CYRIB: variants seen among roughly 807,000 people sequenced by gnomAD.
CYRIB encodes CYFIP-related Rac1 interactor B.
A neutral mutation model predicts 44.2 loss-of-function variants in CYRIB; 8 were observed. That is an observed-to-expected ratio of 0.18 (90% CI 0.11 to 0.33). The LOEUF (loss-of-function observed/expected upper bound fraction) is 0.33, where lower values mean the gene tolerates loss of function less well. Ranked by LOEUF, CYRIB falls within the 10% of genes least tolerant of loss-of-function variation. The probability of loss-of-function intolerance (pLI) is 1.00; values close to 1 mark genes in which losing one functional copy is unlikely to be tolerated. For missense variants in CYRIB, 185 were observed against 382.8 expected (o/e 0.48, Z 4.31); for synonymous variants, 131 against 127.2 (o/e 1.03, Z -0.20).
At chr8:129,933,758 C>T (rs1285804628) in intron 1 of CYRIB, among the ~76,000 whole-genome samples, 4 of 151,900 alleles carry the variant, frequency 2.6e-5, no homozygotes, top group Non-Finnish European at 1.5e-5. Context: ...TCTGTAGTCC[C>T]AGCTACTCAG....
At chr8:129,924,600 C>T (rs1262267083) in intron 1 of CYRIB, among the ~76,000 whole-genome samples, 4 of 151,942 alleles carry the variant, frequency 2.6e-5, no homozygotes, top group Admixed American at 2.0e-4. Context: ...AGTTAATGTC[C>T]CTGAACTTTC....
At chr8:129,883,271 T>C (rs1268764401) in intron 2 of CYRIB, among the ~76,000 whole-genome samples, 1 of 151,794 alleles carries the variant, frequency 6.6e-6, no homozygotes, top group East Asian at 1.9e-4. Context: ...TGGGCTTCAA[T>C]CCACTAGATA....
intron 1 of CYRIB, among the ~76,000 whole-genome samples, chr8:130,009,917 G>C (rs1001008817): frequency 6.6e-6 from 1 of 152,216 alleles, no homozygotes; most frequent in African/African-American, 2.4e-5. Context: ...GTGAGCACTG[G>C]ATGTAAATTC....
intron 1 of CYRIB, among the ~76,000 whole-genome samples, chr8:129,974,196 A>C (rs2095827620): frequency 6.6e-6 from 1 of 152,174 alleles, no homozygotes; most frequent in Non-Finnish European, 1.5e-5. Flanking sequence ...ACTGACAGCT[A>C]TGTTAGTCTA....
At chr8:130,015,101 T>C (rs903843726) in intron 1 of CYRIB, among the ~76,000 whole-genome samples, 1 of 152,204 alleles carries the variant, frequency 6.6e-6, no homozygotes, top group African/African-American at 2.4e-5. Flanking sequence ...CACAAGATGG[T>C]CTTCCTCAGA....
intron 2 of CYRIB, among the ~76,000 whole-genome samples, chr8:129,956,791 ATT>A (rs1213375847): frequency 1.3e-5 from 2 of 148,272 alleles, no homozygotes; most frequent in Non-Finnish European, 3.0e-5. Context: ...ATTTAAGCCT[ATT>A]TTTCCTTCCT....
intron 1 of CYRIB, among the ~76,000 whole-genome samples, chr8:129,914,274 A>G (rs926798511): frequency 1.3e-5 from 2 of 152,238 alleles, no homozygotes; most frequent in African/African-American, 4.8e-5. Context: ...CAAAAGAAAG[A>G]GTTGACTGTG....
At chr8:130,007,207 A>G (rs2097122493) in intron 1 of CYRIB, among the ~76,000 whole-genome samples, 1 of 152,044 alleles carries the variant, frequency 6.6e-6, no homozygotes, top group Non-Finnish European at 1.5e-5. Flanking sequence ...CCGTTATGAG[A>G]TGCCCACTGA....
intron 2 of CYRIB, among the ~76,000 whole-genome samples, chr8:129,958,316 T>G (rs1398765352): frequency 6.6e-6 from 1 of 152,168 alleles, no homozygotes; most frequent in East Asian, 1.9e-4. Flanking sequence ...GAAAACATTC[T>G]GCACCAGCAC....
intron 2 of CYRIB, among the ~76,000 whole-genome samples, chr8:129,882,415 T>C (rs888070607): frequency 8.5e-5 from 13 of 152,230 alleles, no homozygotes; most frequent in Non-Finnish European, 8.8e-5. Context: ...TAATAAATAT[T>C]GGCTGTTGCT....
chr8:129,840,506 A>C (rs1193881629), exon 12 of CYRIB: 1 of 152,264 alleles, frequency 6.6e-6, no homozygotes, highest in African/African-American at 2.4e-5. Context: ...ATTCCCAGTG[A>C]ATGTATCTCC....
At chr8:129,870,169 G>A (rs919389839) in intron 4 of CYRIB, among the ~76,000 whole-genome samples, 2 of 152,158 alleles carry the variant, frequency 1.3e-5, no homozygotes, top group Non-Finnish European at 2.9e-5. Context: ...AACACTTTGG[G>A]AGGCCAAAGC....
At chr8:129,959,930 G>T (rs781022100) in intron 2 of CYRIB, among the ~76,000 whole-genome samples, 16 of 152,178 alleles carry the variant, frequency 1.1e-4, no homozygotes, top group Non-Finnish European at 2.1e-4. Context: ...GACTATGAAG[G>T]AAGTCAATCT....
At chr8:129,888,748 G>A (rs2063793601) in intron 2 of CYRIB, among the ~76,000 whole-genome samples, 1 of 152,144 alleles carries the variant, frequency 6.6e-6, no homozygotes, top group South Asian at 2.1e-4. Flanking sequence ...TTAGAACAAT[G>A]CCTGGGATGT....
intron 2 of CYRIB, chr8:129,894,485 A>G (rs1327088744): frequency 1.3e-5 from 2 of 151,986 alleles, no homozygotes; most frequent in Non-Finnish European, 2.9e-5. Flanking sequence ...CCCCACTCCT[A>G]CCTTTCTGCA....
chr8:129,862,387 ATTTTT>A, intron 4 of CYRIB, 53 bp from the exon 7 acceptor site: 1 of 1,347,164 alleles, frequency 7.4e-7, no homozygotes, highest in Non-Finnish European at 1.0e-6. Flanking sequence ...AAAAAGGTTC[ATTTTT>A]ACATTAAAAT....
chr8:129,934,443 C>CA (rs1218406263), intron 1 of CYRIB, among the ~76,000 whole-genome samples: 1 of 152,106 alleles, frequency 6.6e-6, no homozygotes, highest in African/African-American at 2.4e-5. Context: ...TATGTCATAT[C>CA]ATGATAGGTC....
intron 11 of CYRIB, chr8:129,844,538 C>G (rs1220031975): frequency 6.6e-6 from 1 of 152,094 alleles, no homozygotes; most frequent in Non-Finnish European, 1.5e-5. Context: ...ACTACTGAAT[C>G]TGAACTCCCA....
chr8:129,847,713 A>G (rs1214055526), intron 10 of CYRIB, among the ~76,000 whole-genome samples: 1 of 152,188 alleles, frequency 6.6e-6, no homozygotes, highest in African/African-American at 2.4e-5. Context: ...TATTTAAGAT[A>G]TATTAGCCTG....
Sources: allele counts gnomAD v4.1 joint callset (sites outside exome capture counted in the v4.1 genomes callset), GRCh38; gene constraint gnomAD v4.1.1; transcripts MANE v1.5; gene names NCBI Gene and HGNC (gene_info 2026-07-23, HGNC 2026-07-21).